CDH18: variants seen among roughly 807,000 people sequenced by gnomAD.
CDH18 encodes the protein cadherin-18.
A neutral mutation model predicts 67.9 loss-of-function variants in CDH18; 31 were observed. That is an observed-to-expected ratio of 0.46 (90% confidence interval 0.34 to 0.62). The LOEUF (loss-of-function observed/expected upper bound fraction) is 0.62. Ranked by LOEUF, CDH18 falls within the 20% of genes least tolerant of loss-of-function variation. CDH18 has a pLI of 0.01. For synonymous variants in CDH18, 362 were observed against 347.2 expected, an observed-to-expected ratio of 1.04 and a Z score of -0.48; for missense variants, 890 against 975.5, an observed-to-expected ratio of 0.91 and a Z score of 1.17.
intron 1 of CDH18, among the ~76,000 whole-genome samples, chr5:20,534,289 T>G (rs1055391435): frequency 6.6e-6 from 1 of 152,096 alleles, no homozygotes; most frequent in Non-Finnish European, 1.5e-5. Context: ...TACAAGTAAG[T>G]GCTTCTTTCA....
chr5:20,360,318 T>C (rs1225658159), intron 1 of CDH18, among the ~76,000 whole-genome samples: 1 of 152,086 alleles, frequency 6.6e-6, no homozygotes, highest in Non-Finnish European at 1.5e-5. Flanking sequence ...ATCCTCCCTC[T>C]AGACGGATTA....
chr5:19,532,382 C>T (rs913266051), intron 9 of CDH18, among the ~76,000 whole-genome samples: 5 of 152,262 alleles, frequency 3.3e-5, no homozygotes, highest in African/African-American at 1.2e-4. Flanking sequence ...GTACCTTATA[C>T]ATAATTTCTG....
chr5:19,557,574 GA>G (rs969127523), intron 8 of CDH18, among the ~76,000 whole-genome samples: 3 of 151,048 alleles, frequency 2.0e-5, no homozygotes, highest in South Asian at 2.1e-4. Flanking sequence ...TAGTCCAACA[GA>G]AAAAAAAATT....
intron 1 of CDH18, among the ~76,000 whole-genome samples, chr5:20,424,549 C>G (rs1032479715): frequency 6.7e-6 from 1 of 149,376 alleles, no homozygotes; most frequent in Non-Finnish European, 1.5e-5. Context: ...GTCAGGAGTT[C>G]GAGACCAGCC....
At chr5:19,937,639 C>A (rs147024730) in intron 2 of CDH18, among the ~76,000 whole-genome samples, 79 of 151,244 alleles carry the variant, frequency 5.2e-4, no homozygotes, top group African/African-American at 1.8e-3. Flanking sequence ...AAAGTATAAC[C>A]GAACAATACC....
intron 3 of CDH18, among the ~76,000 whole-genome samples, chr5:19,816,914 ACAT>A (rs1377917069): frequency 6.6e-6 from 1 of 151,804 alleles, no homozygotes; most frequent in African/African-American, 2.4e-5. Context: ...ATTAAACAAA[ACAT>A]CATGAACAAA....
intron 1 of CDH18, among the ~76,000 whole-genome samples, chr5:20,394,369 G>A (rs773910142): frequency 1.6e-4 from 24 of 151,992 alleles, no homozygotes; most frequent in Non-Finnish European, 2.4e-4. Flanking sequence ...GTAGAAGAAC[G>A]AATCCTGCAG....
intron 1 of CDH18, among the ~76,000 whole-genome samples, chr5:20,325,431 A>C (rs1738472201): frequency 6.6e-6 from 1 of 152,166 alleles, no homozygotes; most frequent in African/African-American, 2.4e-5. Context: ...ATCATGTCTT[A>C]CATGTTAATT....
At chr5:19,740,658 C>A (rs539975360) in intron 4 of CDH18, among the ~76,000 whole-genome samples, 1 of 152,088 alleles carries the variant, frequency 6.6e-6, no homozygotes, top group African/African-American at 2.4e-5. Flanking sequence ...AAGTGTAATA[C>A]CATTTACAAA....
intron 1 of CDH18, among the ~76,000 whole-genome samples, chr5:20,311,622 A>G (rs1383717069): frequency 6.6e-6 from 1 of 152,076 alleles, no homozygotes; most frequent in Non-Finnish European, 1.5e-5. Context: ...AGGAAGGGGA[A>G]CATCACACAC....
chr5:19,982,483 C>T (rs925642953), intron 1 of CDH18, among the ~76,000 whole-genome samples: 1 of 151,682 alleles, frequency 6.6e-6, no homozygotes, highest in Non-Finnish European at 1.5e-5. Flanking sequence ...ATTTAATTGC[C>T]ATACATTTAT....
intron 1 of CDH18, among the ~76,000 whole-genome samples, chr5:20,307,901 C>A (rs1736614057): frequency 6.6e-6 from 1 of 151,976 alleles, no homozygotes; most frequent in African/African-American, 2.4e-5. Context: ...CTTCATTAAC[C>A]TTAAACATTT....
intron 2 of CDH18, among the ~76,000 whole-genome samples, chr5:19,927,580 AGC>A (rs1793231408): frequency 6.6e-6 from 1 of 152,152 alleles, no homozygotes; most frequent in Non-Finnish European, 1.5e-5. Flanking sequence ...AAAGTATGAA[AGC>A]ACATATATAT....
chr5:20,019,997 T>C (rs1409368906), intron 2 of CDH18, among the ~76,000 whole-genome samples: 4 of 152,152 alleles, frequency 2.6e-5, no homozygotes, highest in African/African-American at 9.7e-5. Context: ...AGGACCTTAC[T>C]AGGAACCAGA....
At chr5:19,642,722 G>GA (rs941588306) in intron 5 of CDH18, among the ~76,000 whole-genome samples, 6 of 151,614 alleles carry the variant, frequency 4.0e-5, no homozygotes, top group East Asian at 3.9e-4. Context: ...AACAGTACTA[G>GA]AAAAAAAAGA....
chr5:19,863,475 A>G (rs1561465468), intron 2 of CDH18, among the ~76,000 whole-genome samples: 1 of 152,158 alleles, frequency 6.6e-6, no homozygotes, highest in African/African-American at 2.4e-5. Flanking sequence ...CAGTATTCTG[A>G]GGATCTCATT....
At chr5:20,139,471 C>T (rs1488778135) in intron 2 of CDH18, among the ~76,000 whole-genome samples, 1 of 152,132 alleles carries the variant, frequency 6.6e-6, no homozygotes, top group African/African-American at 2.4e-5. Flanking sequence ...CAAATGGGAT[C>T]TAAGTAAACT....
intron 1 of CDH18, among the ~76,000 whole-genome samples, chr5:20,405,876 T>C (rs997696248): frequency 5.9e-5 from 9 of 152,046 alleles, no homozygotes; most frequent in East Asian, 1.9e-4. Context: ...ATCAAAACCA[T>C]AATGAGATAC....
At chr5:19,568,447 T>C (rs1366649582) in intron 8 of CDH18, among the ~76,000 whole-genome samples, 1 of 152,154 alleles carries the variant, frequency 6.6e-6, no homozygotes, top group African/African-American at 2.4e-5. Flanking sequence ...AGAGAGCACT[T>C]AGCACAACCC....
Sources: gnomAD v4.1 joint callset for allele counts (sites outside exome capture counted in the v4.1 genomes callset) on GRCh38, gnomAD v4.1.1 for gene constraint, MANE v1.5 for transcripts, NCBI Gene and HGNC (gene_info 2026-07-23, HGNC 2026-07-21) for gene names.